Variants in LITAF observed in about 807,000 individuals in gnomAD.
LITAF encodes lipopolysaccharide-induced tumor necrosis factor-alpha factor.
A neutral mutation model predicts 14.5 loss-of-function variants in LITAF; 9 were observed. That is an observed-to-expected ratio of 0.62 (90% confidence interval 0.37 to 1.08). The LOEUF is 1.08. LITAF is among the 50% of genes least tolerant of loss of function. The pLI is 0.01. For missense variants in LITAF, 206 were observed against 213.4 expected (o/e 0.97, Z 0.22); for synonymous variants, 98 against 88.2 (o/e 1.11, Z -0.62).
chr16:11,620,710 G>A (rs2065045066), intron 3 of LITAF, among the ~76,000 whole-genome samples: 1 of 152,258 alleles, frequency 6.6e-6, no homozygotes, highest in Non-Finnish European at 1.5e-5. Flanking sequence ...GCACAAGTAT[G>A]ATGATATTAG....
At chr16:11,628,956 G>A (rs551065729) in intron 3 of LITAF, among the ~76,000 whole-genome samples, 34 of 152,306 alleles carry the variant, frequency 2.2e-4, no homozygotes, top group East Asian at 2.1e-3. Flanking sequence ...GATTATAGGC[G>A]TGAGCCATTG....
chr16:11,616,610 G>A (rs1024624317), intron 3 of LITAF, among the ~76,000 whole-genome samples: 1 of 152,144 alleles, frequency 6.6e-6, no homozygotes, highest in Non-Finnish European at 1.5e-5. Flanking sequence ...GTGAGGCAAA[G>A]ACCAAATACA....
At chr16:11,573,765 G>A (rs949221834) in intron 1 of LITAF, among the ~76,000 whole-genome samples, 11 of 141,740 alleles carry the variant, frequency 7.8e-5, no homozygotes, top group South Asian at 2.2e-4. Flanking sequence ...GCAGTGGCGC[G>A]ATCTCGACTC....
At chr16:11,576,612 T>G (rs557218443) in intron 1 of LITAF, among the ~76,000 whole-genome samples, 7 of 147,136 alleles carry the variant, frequency 4.8e-5, no homozygotes, top group Non-Finnish European at 8.9e-5. Flanking sequence ...TCCACATCTG[T>G]GGTTCTACAC....
In LITAF at chr16:11,556,607, C is replaced by A. The variant is rs775942980; in HGVS notation, c.124G>T (p.Gly42Trp). 15 of 1,614,200 alleles carry A rather than the reference C, an allele frequency of 9.3e-6. No homozygotes were observed. Among genetic ancestry groups the A allele is most frequent in the Non-Finnish European group, 1.3e-5 (15 of 1,180,044 alleles). Residue 42 changes from glycine to tryptophan, a missense_variant, in exon 2 of 4, where the codon GGG (glycine) becomes TGG (tryptophan). Gly to Trp is a radical substitution (Grantham distance 184). Transcript: ENST00000622633. ...CCCGTCACAAGCCCCGTAGTTGGCCCAGGCATGGGAGCTGGAGGTGTGGGG... is the reference window on the plus strand; with the variant it reads ...CCCGTCACAAGCCCCGTAGTTGGCCAAGGCATGGGAGCTGGAGGTGTGGGG... ...YYPTPPAPMP[G>W]PTTGLVTGPD...
rs746577483 is a variant in LITAF at position 11,556,522 on chromosome 16, T to C, written c.209A>G (p.Asn70Ser). ...SYYTQPAPIP[N>S]NNPITVQTVY... ...GAGGCCACACGTACTTGGATTGTTA[T>C]TGGGGATGGGCGCTGGCTGGGTATA... Residue 70 changes from asparagine (N) to serine (S), a missense_variant, in exon 2 of 4, where the codon AAT becomes AGT. By Grantham distance (46) the Asn-to-Ser change is conservative. Transcript: ENST00000622633. The C allele has an allele frequency of 1.7e-5, 28 of 1,613,676 alleles. 1 individual carries two copies. The highest frequency in any genetic ancestry group is 8.8e-5 in the South Asian group (8 of 91,074).
At chr16:11,637,582 C>A (rs911329105), upstream of LITAF, among the ~76,000 whole-genome samples, 1 of 152,236 alleles carries the variant, frequency 6.6e-6, no homozygotes. Flanking sequence ...GGGCACACAG[C>A]ACGTGCACAA....
rs1336711937 is a variant in LITAF, at chr16:11,548,515, T to C, written c.*1122A>G. The C allele has an allele frequency of 2.2e-6, 1 of 453,838 alleles. No homozygotes were observed. Among genetic ancestry groups the C allele is most frequent in the Non-Finnish European group, 4.4e-6 (1 of 226,778 alleles). The allele number at this position is 453,838 out of a possible 1,614,324, so 28.1% of individuals were successfully genotyped here. ...CCAAAACGGACCCCACTCTGAGAGT[T>C]CCATGATGAAGGTGTTTAAGAATCA... On this transcript the variant is annotated 3_prime_UTR_variant, in exon 4 of 4. Coordinates refer to ENST00000622633, the MANE Select transcript of LITAF (RefSeq NM_001136472.2).
At chr16:11,607,270 A>T (rs748567685) in intron 3 of LITAF, among the ~76,000 whole-genome samples, 8 of 152,188 alleles carry the variant, frequency 5.3e-5, no homozygotes, top group Non-Finnish European at 7.3e-5. Flanking sequence ...ATGCAATGTG[A>T]TACTCACTAT....
At chr16:11,554,115 C>T (rs111613097) in intron 2 of LITAF, among the ~76,000 whole-genome samples, 1,554 of 152,148 alleles carry the variant, frequency 0.01, 27 homozygotes, top group African/African-American at 0.036. Context: ...GCCTGTAGTC[C>T]CAGCTACTCA....
At chr16:11,580,289 A>C (rs948991092) in intron 1 of LITAF, among the ~76,000 whole-genome samples, 6 of 150,904 alleles carry the variant, frequency 4.0e-5, no homozygotes, top group African/African-American at 1.5e-4. Context: ...ACGGAGTCTC[A>C]TTCTGTGGCC....
intron 3 of LITAF, among the ~76,000 whole-genome samples, chr16:11,606,067 T>C (rs2064953676): frequency 6.6e-6 from 1 of 152,108 alleles, no homozygotes; most frequent in Non-Finnish European, 1.5e-5. Flanking sequence ...AGAACAGGCA[T>C]GATAGGCTGA....
chr16:11,596,452 A>AGAGGAGGAGGAGGAGGAG (rs75949027), intron 1 of LITAF, among the ~76,000 whole-genome samples: 1 of 80,354 alleles, frequency 1.2e-5, no homozygotes, highest in African/African-American at 6.6e-5. Context: ...AAATCCCAAT[A>AGAGGAGGAGGAGGAGGAG]GAGGAGGAGG....
At chr16:11,562,262 C>T (rs1177158457) in intron 1 of LITAF, among the ~76,000 whole-genome samples, 2 of 142,128 alleles carry the variant, frequency 1.4e-5, no homozygotes, top group Non-Finnish European at 3.0e-5. Context: ...TGCAGTGAGC[C>T]GAGATCGTGT....
At chr16:11,554,593 G>C (rs751952161) in intron 2 of LITAF, among the ~76,000 whole-genome samples, 5 of 151,892 alleles carry the variant, frequency 3.3e-5, no homozygotes, top group Non-Finnish European at 7.4e-5. Flanking sequence ...AGGAGTTCAA[G>C]ACCAGCCTGG....
Position 11,632,593 on chromosome 16 carries a change from C to A in LITAF, c.85+940G>T, listed in dbSNP as rs1255408543. On this transcript the variant is annotated intron_variant, in intron 3 of 3. Coordinates refer to the LITAF transcript ENST00000574848. The surrounding 1 kb of genome is among the most constrained non-coding windows in gnomAD (Gnocchi z 4.8). ...GCTCTTTGGCCTGCGCTCCCTGGCA[C>A]GTGGGATCCCTTGGCCCCATCTGGA... Among the ~76,000 whole-genome samples the A allele has an allele frequency of 6.6e-6, 1 of 152,214 alleles. No individual in the cohort carries two copies. The highest frequency in any genetic ancestry group is 1.5e-5 in the Non-Finnish European group (1 of 68,034).
intron 1 of LITAF, among the ~76,000 whole-genome samples, chr16:11,567,313 G>A (rs772170306): frequency 2.6e-5 from 4 of 152,034 alleles, no homozygotes; most frequent in African/African-American, 4.8e-5. Context: ...CTAGCTACTC[G>A]GGAGGCTGAG....
At chr16:11,559,119 G>A (rs1183544179) in intron 1 of LITAF, among the ~76,000 whole-genome samples, 2 of 151,966 alleles carry the variant, frequency 1.3e-5, no homozygotes, top group African/African-American at 2.4e-5. Context: ...AGCCAGGCAT[G>A]GTGTTGCACA....
intron 3 of LITAF, among the ~76,000 whole-genome samples, chr16:11,621,710 A>G (rs2065052468): frequency 6.6e-6 from 1 of 152,062 alleles, no homozygotes; most frequent in Non-Finnish European, 1.5e-5. Flanking sequence ...GGTGCCCACA[A>G]GAGTGGCCGG....
Sources: gnomAD v4.1 joint callset for allele counts (sites outside exome capture counted in the v4.1 genomes callset) on GRCh38, gnomAD v4.1.1 for gene constraint, Gnocchi (gnomAD v3.1) non-coding constraint, MANE v1.5 for transcripts, NCBI Gene and HGNC (gene_info 2026-07-23, HGNC 2026-07-21) for gene names.